Variants in CCT7 observed in about 807,000 individuals in gnomAD.
CCT7 encodes the protein chaperonin containing TCP1 subunit 7.
CCT7 carries 16 observed loss-of-function variants against 56.6 expected under a neutral mutation model. The observed-to-expected ratio is 0.28, with a 90% CI of 0.19 to 0.43. The LOEUF is 0.43. CCT7 is among the 20% of genes least tolerant of loss of function. The probability of loss-of-function intolerance (pLI) is 1.00; values close to 1 mark genes in which losing one functional copy is unlikely to be tolerated. For synonymous variants in CCT7, 262 were observed against 254.8 expected (o/e 1.03, Z -0.27); for missense variants, 519 against 685.6 (o/e 0.76, Z 2.71).
At chr2:73,235,914 A>G (rs1302387277) in intron 1 of CCT7, among the ~76,000 whole-genome samples, 2 of 152,200 alleles carry the variant, frequency 1.3e-5, no homozygotes, top group African/African-American at 4.8e-5. Flanking sequence ...AGTGGGCTCT[A>G]GATCATCACA....
chr2:73,236,506 A>C (rs903703796), intron 1 of CCT7, among the ~76,000 whole-genome samples: 10 of 152,018 alleles, frequency 6.6e-5, no homozygotes, highest in Non-Finnish European at 1.5e-4. Context: ...ACGCCTGGCT[A>C]ATTTTTGTAT....
At position 73,251,228 on chromosome 2, in the gene CCT7, T is replaced by C. The variant is rs1355437549; in HGVS notation, c.1206T>C (p.Asn402=). 1 of 1,613,966 alleles carries C rather than the reference T, an allele frequency of 6.2e-7. No homozygotes were observed. Among genetic ancestry groups the C allele is most frequent in the Non-Finnish European group, 8.5e-7 (1 of 1,179,998 alleles). The change falls in exon 11 of 12, where the codon AAT becomes AAC. Residue 402 remains asparagine (N), a splice_region_variant and synonymous_variant. Coordinates refer to ENST00000258091, the MANE Select transcript of CCT7 (RefSeq NM_006429.4). ...GAGAGGTGGTCTGATCTCTGCAGAA[T>C]GATTCAGTGGTGGCTGGTGGCGGGG... ...AIMIVRRAIK[N]DSVVAGGGAI... is the part of the protein sequence containing the mutation.
chr2:73,238,843 G>A (rs752550700), intron 1 of CCT7, among the ~76,000 whole-genome samples: 2 of 152,108 alleles, frequency 1.3e-5, no homozygotes, highest in Non-Finnish European at 2.9e-5. Flanking sequence ...ATATCTGAGC[G>A]GGCCCTTTAA....
At chr2:73,239,482 G>T in intron 1 of CCT7, 161 bp from the exon 2 acceptor site, 2 of 633,424 alleles carry the variant, frequency 3.2e-6, no homozygotes, top group Non-Finnish European at 5.4e-6. Flanking sequence ...GGAGGTAGAG[G>T]CTGGTTGGGG....
chr2:73,234,436 C>T (rs374142441), intron 1 of CCT7, 52 bp downstream of exon 1: 4 of 1,604,928 alleles, frequency 2.5e-6, no homozygotes, highest in Non-Finnish European at 3.4e-6. Context: ...TGGCCGGTGG[C>T]CGGCGCCGCT....
intron 1 of CCT7, 171 bp from the exon 2 acceptor site, chr2:73,239,472 G>A (rs1011393079): frequency 3.3e-6 from 2 of 614,628 alleles, no homozygotes; most frequent in South Asian, 4.1e-5. Context: ...TAGTGTCTCT[G>A]GAGGTAGAGG....
chr2:73,242,939 A>G, intron 3 of CCT7, 65 bp from the exon 4 acceptor site: 1 of 1,601,848 alleles, frequency 6.2e-7, no homozygotes, highest in Non-Finnish European at 8.5e-7. Context: ...GTGCCTAAAA[A>G]TGGAGTTTCA....
At position 73,247,844 on chromosome 2, in the gene CCT7, A is replaced by G. The variant is rs2231426; in HGVS notation, c.701A>G (p.Asn234Ser). 1.1e-3 allele frequency: 1,765 copies of G among 1,614,210 alleles called. 36 individuals are homozygous for G. The South Asian group carries it at 0.018, about 16-fold the overall frequency. Residue 234 changes from asparagine to serine, a missense_variant, in exon 7 of 12, where the codon AAT becomes AGT. Coordinates refer to ENST00000258091, the MANE Select transcript of CCT7 (RefSeq NM_006429.4). ...GAAATGCAACCCAAAAAGTACCACA[A>G]TCCCAAGATTGCCCTTTTGAATGTC... ...GFEMQPKKYH[N>S]PKIALLNVEL...
chr2:73,234,626 T>C (rs1347254336), intron 1 of CCT7, among the ~76,000 whole-genome samples: 2 of 152,332 alleles, frequency 1.3e-5, no homozygotes, highest in East Asian at 1.9e-4. Flanking sequence ...GGTTGGGGAC[T>C]ACAAGTCCCA....
intron 2 of CCT7, chr2:73,240,131 G>A (rs1016235731): frequency 1.5e-5 from 5 of 328,356 alleles, no homozygotes; most frequent in Admixed American, 4.5e-5. Context: ...GATGTGTGAG[G>A]GTATCAACTG....
chr2:73,239,974 A>G (rs1687038148), intron 2 of CCT7, 178 bp downstream of exon 2: 4 of 580,672 alleles, frequency 6.9e-6, no homozygotes, highest in Middle Eastern at 4.4e-4. Flanking sequence ...GTGTGGGACT[A>G]TATGAGAGAA....
chr2:73,246,876 C>G (rs1295448410), intron 6 of CCT7, among the ~76,000 whole-genome samples: 2 of 152,344 alleles, frequency 1.3e-5, no homozygotes, highest in Non-Finnish European at 2.9e-5. Flanking sequence ...GACAGATACT[C>G]TTCACCCATG....
At chr2:73,248,799 T>G (rs533402106) in intron 7 of CCT7, among the ~76,000 whole-genome samples, 192 bp from the exon 8 acceptor site, 1 of 152,350 alleles carries the variant, frequency 6.6e-6, no homozygotes, top group African/African-American at 2.4e-5. Flanking sequence ...TTGGGGAGTT[T>G]CAGGTGATTC....
At chr2:73,246,729 C>G (rs1035612734) in intron 6 of CCT7, among the ~76,000 whole-genome samples, 8 of 152,180 alleles carry the variant, frequency 5.3e-5, no homozygotes, top group Non-Finnish European at 7.3e-5. Flanking sequence ...TTCTCTGATT[C>G]CACAACACTG....
chr2:73,238,885 A>G (rs1020479997), intron 1 of CCT7, among the ~76,000 whole-genome samples: 2 of 152,214 alleles, frequency 1.3e-5, no homozygotes, highest in South Asian at 2.1e-4. Flanking sequence ...CTCAGTTTCT[A>G]AAGCAGGTCT....
At chr2:73,244,276 G>A (rs577441855) in intron 5 of CCT7, 2 of 613,768 alleles carry the variant, frequency 3.3e-6, no homozygotes, top group African/African-American at 3.7e-5. Flanking sequence ...TGTGCCTGGG[G>A]CTGTTTGGCT....
At chr2:73,246,380 C>T (rs1687337936) in intron 6 of CCT7, among the ~76,000 whole-genome samples, 1 of 152,238 alleles carries the variant, frequency 6.6e-6, no homozygotes, top group Non-Finnish European at 1.5e-5. Context: ...CTTGAAAACC[C>T]TTCTGACTCC....
At chr2:73,234,562 C>T (rs1436933147) in intron 1 of CCT7, among the ~76,000 whole-genome samples, 178 bp downstream of exon 1, 1 of 152,078 alleles carries the variant, frequency 6.6e-6, no homozygotes, top group Non-Finnish European at 1.5e-5. Flanking sequence ...GAGCACGGCG[C>T]TGGAGCCGTT....
intron 1 of CCT7, 104 bp downstream of exon 1, chr2:73,234,488 C>T (rs1453702918): frequency 7.5e-7 from 1 of 1,339,250 alleles, no homozygotes; most frequent in Non-Finnish European, 1.0e-6. Flanking sequence ...TGCTTGCCGC[C>T]TCTGTCCTCG....
Sources: gnomAD v4.1 joint callset for allele counts (sites outside exome capture counted in the v4.1 genomes callset) on GRCh38, gnomAD v4.1.1 for gene constraint, MANE v1.5 for transcripts, NCBI Gene and HGNC (gene_info 2026-07-23, HGNC 2026-07-21) for gene names.